The following ACACA variants were observed in gnomAD, a reference collection of about 807,000 sequenced individuals.
The protein encoded by ACACA is acetyl-CoA carboxylase 1.
ACACA carries 103 observed loss-of-function variants against 296.1 expected under a neutral mutation model. That is an observed-to-expected ratio of 0.35 (90% CI 0.30 to 0.41). ACACA has a LOEUF of 0.41. ACACA is among the 10% of genes least tolerant of loss of function. The probability of loss-of-function intolerance (pLI) is 1.00; values close to 1 mark genes in which losing one functional copy is unlikely to be tolerated. For missense variants in ACACA, 1,554 were observed against 2,989.7 expected, an observed-to-expected ratio of 0.52 and a Z score of 11.20; for synonymous variants, 953 against 1,038.6, an observed-to-expected ratio of 0.92 and a Z score of 1.58.
At chr17:37,370,459 C>T (rs991483199) in intron 1 of ACACA, among the ~76,000 whole-genome samples, 1 of 129,936 alleles carries the variant, frequency 7.7e-6, no homozygotes, top group Non-Finnish European at 1.6e-5. Context: ...CCAGCCTGGG[C>T]AACACGGTGA....
chr17:37,311,054 G>A (rs1044219268), intron 3 of ACACA, among the ~76,000 whole-genome samples: 2 of 152,196 alleles, frequency 1.3e-5, no homozygotes, highest in Non-Finnish European at 2.9e-5. Context: ...AGAAGGATGA[G>A]AACTGAAAAG....
chr17:37,132,688 T>C (rs1181984276), intron 45 of ACACA, among the ~76,000 whole-genome samples: 1 of 152,218 alleles, frequency 6.6e-6, no homozygotes, highest in Non-Finnish European at 1.5e-5. Context: ...ATTTTCTTCC[T>C]ATCTCTAATA....
At chr17:37,296,442 A>C (rs2146809956) in intron 3 of ACACA, among the ~76,000 whole-genome samples, 1 of 150,890 alleles carries the variant, frequency 6.6e-6, no homozygotes, top group Non-Finnish European at 1.5e-5. Context: ...AGTAGCTGGG[A>C]CTAGAGGCGC....
intron 43 of ACACA, 30 bp downstream of exon 43, chr17:37,155,653 A>G: frequency 6.8e-7 from 1 of 1,478,810 alleles, no homozygotes; most frequent in Non-Finnish European, 9.4e-7. Context: ...TTTAGTCATG[A>G]CCAAATTATT....
At chr17:37,273,568 C>T (rs2082154824) in intron 9 of ACACA, among the ~76,000 whole-genome samples, 1 of 152,244 alleles carries the variant, frequency 6.6e-6, no homozygotes, top group Admixed American at 6.5e-5. Context: ...GCCCACTGCA[C>T]AGGACATATG....
Position 37,156,874 on chromosome 17 carries a change from T to C in ACACA, c.5350-1094A>G, listed in dbSNP as rs778295132. Among the ~76,000 whole-genome samples, 4 of 152,340 alleles carry C rather than the reference T, an allele frequency of 2.6e-5. No homozygotes were observed. In the East Asian group the frequency reaches 5.8e-4, roughly 22 times the overall value. ...ACACGGAAAAGACATAAATCTGCGA[T>C]TGGTCTTGCATGATTTGTGTTGAGA... On this transcript the variant is annotated intron_variant, in intron 42 of 55. Coordinates refer to ENST00000616317, the MANE Select transcript of ACACA (RefSeq NM_198834.3).
chr17:37,308,717 C>A (rs957492866), intron 3 of ACACA, among the ~76,000 whole-genome samples: 2 of 152,092 alleles, frequency 1.3e-5, no homozygotes, highest in Admixed American at 1.3e-4. Flanking sequence ...GCAGGTGGAT[C>A]ATTTGAGGTC....
chr17:37,299,634 G>T, intron 3 of ACACA: 3 of 1,155,004 alleles, frequency 2.6e-6, no homozygotes, highest in Non-Finnish European at 3.2e-6. Context: ...AGGAGCCGGG[G>T]AGAAATATAA....
intron 45 of ACACA, chr17:37,143,970 A>T: frequency 1.1e-6 from 1 of 897,222 alleles, no homozygotes; most frequent in South Asian, 1.3e-5. Context: ...TTTTTGGGCG[A>T]TACTCAGAAT....
chr17:37,324,830 C>T (rs1482227075), intron 3 of ACACA, among the ~76,000 whole-genome samples: 6 of 105,886 alleles, frequency 5.7e-5, no homozygotes, highest in East Asian at 3.2e-4. Flanking sequence ...AGTGAAACTC[C>T]GACTCAAAAA....
chr17:37,193,573 C>T (rs562261354), intron 35 of ACACA, 158 bp from the exon 36 acceptor site: 56 of 537,608 alleles, frequency 1.0e-4, no homozygotes, highest in Admixed American at 4.0e-4. Context: ...AATGATCCTC[C>T]GCATAACCAT....
chr17:37,147,500 CAGA>C (rs1246610610), intron 45 of ACACA, among the ~76,000 whole-genome samples: 2 of 152,180 alleles, frequency 1.3e-5, no homozygotes, highest in Admixed American at 6.5e-5. Context: ...AGACAACACA[CAGA>C]AGGAGTGAGT....
intron 41 of ACACA, among the ~76,000 whole-genome samples, chr17:37,172,613 C>G (rs1035585075): frequency 3.9e-5 from 6 of 152,020 alleles, no homozygotes; most frequent in Non-Finnish European, 7.4e-5. Flanking sequence ...ACCATATATG[C>G]CATAATATAT....
intron 1 of ACACA, among the ~76,000 whole-genome samples, chr17:37,405,976 A>G (rs981389155): frequency 3.9e-5 from 6 of 151,930 alleles, no homozygotes; most frequent in African/African-American, 1.2e-4. Context: ...AAATTTATCA[A>G]AGGCAGACTT....
At chr17:37,213,612 A>G (rs997612863) in intron 29 of ACACA, among the ~76,000 whole-genome samples, 2 of 152,236 alleles carry the variant, frequency 1.3e-5, no homozygotes, top group Non-Finnish European at 2.9e-5. Context: ...ATATGGTGTC[A>G]TAAACCACAA....
At chr17:37,363,681 C>T (rs1333045638) in intron 1 of ACACA, among the ~76,000 whole-genome samples, 2 of 151,976 alleles carry the variant, frequency 1.3e-5, no homozygotes, top group African/African-American at 4.8e-5. Context: ...AAACAAAGTG[C>T]CTTAATAGAA....
Position 37,243,517 on chromosome 17 carries a change from G to C in ACACA, c.2785C>G (p.Pro929Ala), listed in dbSNP as rs973542577. The C allele has an allele frequency of 6.2e-7, 1 of 1,614,066 alleles. No individual in the cohort carries two copies. The highest frequency in any genetic ancestry group is 8.5e-7 in the Non-Finnish European group (1 of 1,180,014). The change falls in exon 22 of 56, where the codon CCC becomes GCC. Residue 929 changes from proline to alanine, a missense_variant. By Grantham distance (27) the Pro-to-Ala change is conservative (BLOSUM62 -1). This residue lies in a region of ACACA where 316 missense variants were observed against 540.9 expected (regional missense o/e 0.58). Coordinates refer to ENST00000616317, the MANE Select transcript of ACACA (RefSeq NM_198834.3). ...VERLMKTLRD[P>A]SLPLLELQDI... ...TGCAATTCTAGGAGAGGCAGGGAGG[G>C]ATCTCTGAGGGTTTTCATCAATCGC...
chr17:37,279,644 TAA>T (rs34306905), intron 5 of ACACA, among the ~76,000 whole-genome samples: 24 of 129,588 alleles, frequency 1.9e-4, no homozygotes, highest in Non-Finnish European at 1.8e-4. Context: ...AGACTCCGTC[TAA>T]AAAAAAAAAA....
intron 2 of ACACA, among the ~76,000 whole-genome samples, chr17:37,338,973 G>GAGGGAGGGAAAAGGGGAAA (rs11268107): frequency 0.34 from 50,262 of 147,868 alleles, 11,204 homozygotes; most frequent in African/African-American, 0.62. Context: ...AAAAGGCAGA[G>GAGGGAGGGAAAAGGGGAAA]AGGGAGGGAA....
Sources: gnomAD v4.1 joint callset for allele counts (sites outside exome capture counted in the v4.1 genomes callset) on GRCh38, gnomAD v4.1.1 for gene constraint, gnomAD v4.1.1 regional missense constraint, MANE v1.5 for transcripts, NCBI Gene and HGNC (gene_info 2026-07-23, HGNC 2026-07-21) for gene names.